Variants in NKAIN2 observed in about 807,000 individuals in gnomAD.
NKAIN2 encodes sodium/potassium transporting ATPase interacting 2.
Under a neutral mutation model 32.6 loss-of-function variants are expected in NKAIN2, and 14 were observed. The observed-to-expected ratio is 0.43, with a 90% CI of 0.28 to 0.67. The LOEUF (loss-of-function observed/expected upper bound fraction) is 0.67. Among genes scored for constraint, NKAIN2 ranks in the 30% least tolerant of loss-of-function variants. The pLI, the probability that NKAIN2 is intolerant of heterozygous loss-of-function variation, is 0.17. For synonymous variants in NKAIN2, 80 were observed against 87.2 expected, an observed-to-expected ratio of 0.92 and a Z score of 0.46; for missense variants, 198 against 258.3, an observed-to-expected ratio of 0.77 and a Z score of 1.60.
intron 1 of NKAIN2, among the ~76,000 whole-genome samples, chr6:124,238,899 T>A (rs1003434178): frequency 6.6e-6 from 1 of 152,162 alleles, no homozygotes; most frequent in African/African-American, 2.4e-5. Context: ...GCTAGCATCA[T>A]AATGACAGGA....
intron 1 of NKAIN2, among the ~76,000 whole-genome samples, chr6:123,982,228 G>C (rs1177711079): frequency 6.6e-6 from 1 of 152,042 alleles, no homozygotes; most frequent in Non-Finnish European, 1.5e-5. Context: ...ATATTCTAGG[G>C]ATTTCTTGAC....
chr6:123,828,075 A>C (rs767059012), intron 1 of NKAIN2, among the ~76,000 whole-genome samples: 1 of 151,908 alleles, frequency 6.6e-6, no homozygotes, highest in Non-Finnish European at 1.5e-5. Flanking sequence ...CTGCCTGTTA[A>C]ATTTTGTTTA....
intron 1 of NKAIN2, among the ~76,000 whole-genome samples, chr6:124,059,661 G>A (rs914671377): frequency 1.3e-5 from 2 of 152,052 alleles, no homozygotes; most frequent in African/African-American, 2.4e-5. Context: ...CTTTTGTGTC[G>A]AGTGCTTCAG....
chr6:123,848,445 G>A (rs1582643931), intron 1 of NKAIN2, among the ~76,000 whole-genome samples: 1 of 152,152 alleles, frequency 6.6e-6, no homozygotes, highest in Non-Finnish European at 1.5e-5. Flanking sequence ...TCCTCATGCT[G>A]GTCTCATAAT....
chr6:124,322,510 C>T (rs1045267706), intron 2 of NKAIN2, among the ~76,000 whole-genome samples: 1 of 152,174 alleles, frequency 6.6e-6, no homozygotes. Context: ...AATATTTGTG[C>T]TACCACCTTA....
chr6:124,390,200 T>C (rs951107359), intron 3 of NKAIN2, among the ~76,000 whole-genome samples: 29 of 152,120 alleles, frequency 1.9e-4, no homozygotes, highest in Non-Finnish European at 8.8e-5. Context: ...GAGGAGTTAC[T>C]TTTCATTAGT....
At chr6:124,410,792 G>A (rs536122680) in intron 3 of NKAIN2, among the ~76,000 whole-genome samples, 1 of 152,156 alleles carries the variant, frequency 6.6e-6, no homozygotes, top group Non-Finnish European at 1.5e-5. Flanking sequence ...TGACAGTGGG[G>A]TGTTAAAGTC....
intron 3 of NKAIN2, among the ~76,000 whole-genome samples, chr6:124,408,378 G>A (rs909661570): frequency 6.6e-6 from 1 of 152,136 alleles, no homozygotes; most frequent in Non-Finnish European, 1.5e-5. Context: ...TTTGTATGAG[G>A]TGTAAGGAAG....
chr6:124,607,003 C>A (rs1782527093), intron 3 of NKAIN2, among the ~76,000 whole-genome samples: 1 of 152,038 alleles, frequency 6.6e-6, no homozygotes, highest in Admixed American at 6.6e-5. Flanking sequence ...GAACTGTCAG[C>A]AATGAAGAGA....
chr6:124,028,364 G>A (rs956115150), intron 1 of NKAIN2, among the ~76,000 whole-genome samples: 7 of 145,280 alleles, frequency 4.8e-5, no homozygotes, highest in Non-Finnish European at 6.0e-5. Flanking sequence ...AAGAACAGAA[G>A]CATGATGGCT....
chr6:124,457,855 G>C (rs564269944), intron 3 of NKAIN2, among the ~76,000 whole-genome samples: 2 of 151,974 alleles, frequency 1.3e-5, no homozygotes, highest in African/African-American at 4.8e-5. Flanking sequence ...AGTGTGTTGG[G>C]AGCACCATTT....
At chr6:124,254,097 C>T (rs9482524) in intron 1 of NKAIN2, among the ~76,000 whole-genome samples, 11,198 of 151,904 alleles carry the variant, frequency 0.074, 1,102 homozygotes, top group African/African-American at 0.22. Context: ...GGATTACAGG[C>T]GTGAGCCACC....
chr6:124,062,852 C>A (rs1417117551), intron 1 of NKAIN2, among the ~76,000 whole-genome samples: 1 of 152,094 alleles, frequency 6.6e-6, no homozygotes, highest in Non-Finnish European at 1.5e-5. Context: ...TGTGAATGAA[C>A]TTTTATGTAA....
chr6:123,804,177 G>T lies in NKAIN2; in HGVS notation c.-24G>T, dbSNP rs376718701. The T allele has an allele frequency of 6.2e-7, 1 of 1,612,112 alleles. No homozygotes were observed. Among genetic ancestry groups the T allele is most frequent in the African/African-American group, 1.3e-5 (1 of 74,874 alleles). ...ACGGTGGCCGACGTGGGACAGTCTG[G>T]CTGTGGCAGGGGTCTCGGAAACCAT... On this transcript the variant is annotated 5_prime_UTR_variant, in exon 1 of 7. Transcript: ENST00000368417.
chr6:124,293,878 G>A (rs1428203807), intron 2 of NKAIN2, among the ~76,000 whole-genome samples: 3 of 151,982 alleles, frequency 2.0e-5, no homozygotes, highest in Admixed American at 2.0e-4. Flanking sequence ...AAGATAATGG[G>A]AAGAGGCAAG....
At chr6:124,198,676 T>G (rs2114616727) in intron 1 of NKAIN2, among the ~76,000 whole-genome samples, 1 of 151,930 alleles carries the variant, frequency 6.6e-6, no homozygotes, top group South Asian at 2.1e-4. Context: ...GAGAGAAGAG[T>G]CCAAGGAATT....
chr6:124,502,289 A>G (rs1286404399), intron 3 of NKAIN2, among the ~76,000 whole-genome samples: 1 of 152,112 alleles, frequency 6.6e-6, no homozygotes, highest in Non-Finnish European at 1.5e-5. Flanking sequence ...TAAACATGCA[A>G]TCATTCCATG....
chr6:124,787,803 G>A (rs1020923580), intron 4 of NKAIN2, among the ~76,000 whole-genome samples: 2 of 152,048 alleles, frequency 1.3e-5, no homozygotes, highest in African/African-American at 4.8e-5. Context: ...CCCTAATCTG[G>A]TCTTCACAGC....
chr6:123,894,230 C>A (rs1774165279), intron 1 of NKAIN2, among the ~76,000 whole-genome samples: 1 of 152,068 alleles, frequency 6.6e-6, no homozygotes, highest in South Asian at 2.1e-4. Flanking sequence ...CTGGTGACTG[C>A]AAAGCCTGCT....
Sources: gnomAD v4.1 joint callset for allele counts (sites outside exome capture counted in the v4.1 genomes callset) on GRCh38, gnomAD v4.1.1 for gene constraint, MANE v1.5 for transcripts, NCBI Gene and HGNC (gene_info 2026-07-23, HGNC 2026-07-21) for gene names.